TASP1: variants seen among roughly 807,000 people sequenced by gnomAD.
TASP1 encodes threonine aspartase 1.
TASP1 carries 16 observed loss-of-function variants against 56.6 expected under a neutral mutation model. The observed-to-expected ratio is 0.28, with a 90% CI of 0.19 to 0.43. The LOEUF (loss-of-function observed/expected upper bound fraction) is 0.43, where lower values mean the gene tolerates loss of function less well. TASP1 is among the 20% of genes least tolerant of loss of function. The pLI, the probability that TASP1 is intolerant of heterozygous loss-of-function variation, is 1.00. For missense variants in TASP1, 393 were observed against 511.6 expected, an observed-to-expected ratio of 0.77 and a Z score of 2.24; for synonymous variants, 179 against 184.2, an observed-to-expected ratio of 0.97 and a Z score of 0.23.
chr20:13,139,602 C>T, the TASP1 span, among the ~76,000 whole-genome samples: 6 of 152,300 alleles, frequency 3.9e-5, no homozygotes, highest in Admixed American at 3.9e-4. Flanking sequence ...CATTGCATTT[C>T]TGCCCACATT....
chr20:13,465,198 A>G (rs1600879528), intron 11 of TASP1, among the ~76,000 whole-genome samples: 1 of 150,532 alleles, frequency 6.6e-6, no homozygotes, highest in African/African-American at 2.4e-5. Context: ...AAAAAAAAAA[A>G]AGGAAAGGAA....
At chr20:13,367,738 A>G in the TASP1 span, among the ~76,000 whole-genome samples, 1 of 152,250 alleles carries the variant, frequency 6.6e-6, no homozygotes, top group Non-Finnish European at 1.5e-5. Context: ...TTATTAGAGC[A>G]CTCATTAGAA....
At chr20:13,179,406 C>CGTGTGTGT in the TASP1 span, among the ~76,000 whole-genome samples, 6,135 of 143,392 alleles carry the variant, frequency 0.043, 179 homozygotes, top group African/African-American at 0.077. Context: ...GAATTATGTG[C>CGTGTGTGT]GTGTGTGTGT....
the TASP1 span, among the ~76,000 whole-genome samples, chr20:13,336,323 G>A: frequency 6.6e-6 from 1 of 152,154 alleles, no homozygotes; most frequent in Admixed American, 6.5e-5. Flanking sequence ...AAGACCAATA[G>A]CACAGTAGTG....
At chr20:13,423,260 A>G in intron 12 of TASP1, among the ~76,000 whole-genome samples, 1 of 152,208 alleles carries the variant, frequency 6.6e-6, no homozygotes. Context: ...GCCACAGTAA[A>G]ATCCAAAACC....
At chr20:13,637,395 T>G (rs1433702528) in intron 1 of TASP1, among the ~76,000 whole-genome samples, 2 of 152,210 alleles carry the variant, frequency 1.3e-5, no homozygotes, top group African/African-American at 4.8e-5. Context: ...AGGTATATAC[T>G]CAAGAGAACT....
intron 10 of TASP1, among the ~76,000 whole-genome samples, chr20:13,499,887 C>T (rs1335097787): frequency 6.6e-6 from 1 of 152,016 alleles, no homozygotes; most frequent in African/African-American, 2.4e-5. Flanking sequence ...AACAGAAAAT[C>T]AAATACTATA....
At chr20:13,211,031 T>C in the TASP1 span, among the ~76,000 whole-genome samples, 2 of 144,574 alleles carry the variant, frequency 1.4e-5, no homozygotes, top group East Asian at 1.9e-4. Context: ...TATCTAATTA[T>C]ACAATATGTA....
At chr20:13,376,883 A>C in the TASP1 span, among the ~76,000 whole-genome samples, 1 of 151,978 alleles carries the variant, frequency 6.6e-6, no homozygotes, top group African/African-American at 2.4e-5. Context: ...TTTGCTTATT[A>C]TTGGTGTATA....
chr20:13,185,502 A>T, the TASP1 span, among the ~76,000 whole-genome samples: 4 of 152,170 alleles, frequency 2.6e-5, no homozygotes, highest in African/African-American at 9.7e-5. Flanking sequence ...ATTTTACTAT[A>T]TCATGTTTAC....
chr20:13,600,793 A>G, intron 4 of TASP1, among the ~76,000 whole-genome samples: 1 of 152,008 alleles, frequency 6.6e-6, no homozygotes, highest in African/African-American at 2.4e-5. Context: ...ATATGCACAC[A>G]TACATACATA....
intron 8 of TASP1, among the ~76,000 whole-genome samples, chr20:13,544,831 A>G (rs1169963908): frequency 6.6e-6 from 1 of 152,186 alleles, no homozygotes; most frequent in Admixed American, 6.5e-5. Context: ...GCCAGCCTTT[A>G]AACTGAGTCT....
the TASP1 span, among the ~76,000 whole-genome samples, chr20:13,347,294 A>G: frequency 6.6e-6 from 1 of 152,224 alleles, no homozygotes; most frequent in African/African-American, 2.4e-5. Context: ...ACTGGGGAGC[A>G]GACCCTCCAC....
intron 4 of TASP1, among the ~76,000 whole-genome samples, chr20:13,616,625 G>A (rs181555940): frequency 2.0e-5 from 3 of 150,060 alleles, no homozygotes; most frequent in Non-Finnish European, 2.9e-5. Context: ...CATTGATTCC[G>A]TTTTCTTTTT....
At chr20:13,508,812 G>A (rs2044221078) in intron 10 of TASP1, among the ~76,000 whole-genome samples, 2 of 152,096 alleles carry the variant, frequency 1.3e-5, no homozygotes, top group South Asian at 4.1e-4. Flanking sequence ...TCTTAGGATG[G>A]CTACTACCAA....
At chr20:13,422,632 C>T (rs896617876) in intron 12 of TASP1, among the ~76,000 whole-genome samples, 4 of 152,152 alleles carry the variant, frequency 2.6e-5, no homozygotes, top group East Asian at 1.9e-4. Flanking sequence ...ACCATCTTCT[C>T]GCACTCTGAA....
At chr20:13,116,565 G>T in the TASP1 span, among the ~76,000 whole-genome samples, 1 of 152,110 alleles carries the variant, frequency 6.6e-6, no homozygotes, top group African/African-American at 2.4e-5. Flanking sequence ...ATGTACCAAA[G>T]CTTCCCAGGA....
chr20:13,405,650 G>A (rs1198300324), intron 13 of TASP1, among the ~76,000 whole-genome samples: 9 of 151,914 alleles, frequency 5.9e-5, no homozygotes, highest in African/African-American at 2.2e-4. Context: ...GGGTTCAAGT[G>A]ATTCTCCTGC....
chr20:13,415,282 T>C lies in TASP1; in HGVS notation c.1170+2166A>G, dbSNP rs921587868. Among the ~76,000 whole-genome samples, 11 of 152,218 alleles carry C rather than the reference T, an allele frequency of 7.2e-5. No homozygotes were observed. The South Asian group carries it at 2.1e-3, about 29-fold the overall frequency. ...CCAAAGCTTAAACAGAATACAAACATTGTTATAGCCCCTTTTCTCTTTTGA... is the reference window on the plus strand; with the variant it reads ...CCAAAGCTTAAACAGAATACAAACACTGTTATAGCCCCTTTTCTCTTTTGA... On this transcript the variant is annotated intron_variant, in intron 13 of 13. Transcript: ENST00000337743.
Sources: gnomAD v4.1 joint callset for allele counts (sites outside exome capture counted in the v4.1 genomes callset) on GRCh38, gnomAD v4.1.1 for gene constraint, MANE v1.5 for transcripts, NCBI Gene and HGNC (gene_info 2026-07-23, HGNC 2026-07-21) for gene names.